Variants in PGCKA1 observed in about 807,000 individuals in gnomAD.
PGCKA1 encodes the protein PDCD10 and GCKIII kinases-associated protein 1.
At chr4:37,477,794 C>T in the PGCKA1 span, among the ~76,000 whole-genome samples, 4 of 152,074 alleles carry the variant, frequency 2.6e-5, no homozygotes, top group Admixed American at 2.0e-4. Context: ...CAACCCTGGT[C>T]TTTGTTTAAT....
At chr4:37,538,608 G>A in the PGCKA1 span, among the ~76,000 whole-genome samples, 2 of 152,212 alleles carry the variant, frequency 1.3e-5, no homozygotes, top group Non-Finnish European at 1.5e-5. Context: ...TGGAAAAGAA[G>A]GGTTTCTGCC....
chr4:37,562,316 TA>T, the PGCKA1 span, among the ~76,000 whole-genome samples: 6 of 152,204 alleles, frequency 3.9e-5, no homozygotes, highest in Non-Finnish European at 7.3e-5. Context: ...ACCAGGTACA[TA>T]AGAAGGAATA....
chr4:37,588,921 T>C, the PGCKA1 span: 1 of 1,596,006 alleles, frequency 6.3e-7, no homozygotes, highest in Non-Finnish European at 8.6e-7. Flanking sequence ...GAAATACTAC[T>C]TCTAAATGGA....
the PGCKA1 span, among the ~76,000 whole-genome samples, chr4:37,477,629 T>G: frequency 6.6e-6 from 1 of 152,172 alleles, no homozygotes; most frequent in Non-Finnish European, 1.5e-5. Flanking sequence ...CTTCTAAACT[T>G]AAAAGTTTTT....
chr4:37,516,621 C>A, the PGCKA1 span, among the ~76,000 whole-genome samples: 1 of 152,142 alleles, frequency 6.6e-6, no homozygotes, highest in African/African-American at 2.4e-5. Flanking sequence ...CTAAATCACA[C>A]CACGAGCTCA....
the PGCKA1 span, among the ~76,000 whole-genome samples, chr4:37,537,838 A>AT: frequency 1.3e-4 from 20 of 152,216 alleles, no homozygotes; most frequent in Non-Finnish European, 1.5e-5. Context: ...TATGCAAGTT[A>AT]TTTAGGCTTG....
the PGCKA1 span, among the ~76,000 whole-genome samples, chr4:37,544,644 G>T: frequency 0.012 from 1,750 of 149,178 alleles, 38 homozygotes; most frequent in African/African-American, 0.042. Context: ...TCAAGGAGCT[G>T]TTTTTTTTGT....
At chr4:37,472,966 A>G in the PGCKA1 span, among the ~76,000 whole-genome samples, 1 of 152,214 alleles carries the variant, frequency 6.6e-6, no homozygotes, top group Non-Finnish European at 1.5e-5. Context: ...GTCAACTGGC[A>G]AGGTAATCTG....
the PGCKA1 span, among the ~76,000 whole-genome samples, chr4:37,566,141 G>C: frequency 9.6e-3 from 1,466 of 152,064 alleles, 25 homozygotes; most frequent in African/African-American, 0.033. Context: ...TGTTAGTTCT[G>C]TCCCTCTGGA....
At chr4:37,591,165 C>T in the PGCKA1 span, 2 of 600,232 alleles carry the variant, frequency 3.3e-6, no homozygotes, top group African/African-American at 3.7e-5. Flanking sequence ...TCCCATGCTG[C>T]TTGTCACATA....
At chr4:37,478,147 C>G in the PGCKA1 span, among the ~76,000 whole-genome samples, 12 of 108,178 alleles carry the variant, frequency 1.1e-4, 2 homozygotes, top group Non-Finnish European at 2.6e-4. Flanking sequence ...AAAACACCCC[C>G]CCCCACCGCC....
chr4:37,570,094 C>CTCAG, the PGCKA1 span, among the ~76,000 whole-genome samples: 1 of 150,268 alleles, frequency 6.7e-6, no homozygotes, highest in Admixed American at 6.7e-5. Flanking sequence ...ATTCTCCTGC[C>CTCAG]TCAGCCTCCC....
chr4:37,525,885 T>G, the PGCKA1 span, among the ~76,000 whole-genome samples: 2 of 152,234 alleles, frequency 1.3e-5, no homozygotes, highest in Admixed American at 6.5e-5. Context: ...TTTCTGCCAT[T>G]CATTAATTCA....
the PGCKA1 span, among the ~76,000 whole-genome samples, chr4:37,465,015 G>A: frequency 6.6e-6 from 1 of 152,302 alleles, no homozygotes; most frequent in African/African-American, 2.4e-5. Flanking sequence ...TAAAGCTCAA[G>A]AACGTGACCT....
chr4:37,576,819 C>T, the PGCKA1 span, among the ~76,000 whole-genome samples: 23 of 151,760 alleles, frequency 1.5e-4, no homozygotes, highest in Non-Finnish European at 2.4e-4. Flanking sequence ...GCCTTTTCAG[C>T]ATCAGTTGAA....
the PGCKA1 span, among the ~76,000 whole-genome samples, chr4:37,540,774 T>C: frequency 6.6e-6 from 1 of 150,916 alleles, no homozygotes; most frequent in Non-Finnish European, 1.5e-5. Context: ...ATTCAGATAT[T>C]GGCCCCATGT....
the PGCKA1 span, among the ~76,000 whole-genome samples, chr4:37,500,479 G>A: frequency 6.6e-6 from 1 of 152,226 alleles, no homozygotes; most frequent in African/African-American, 2.4e-5. Flanking sequence ...TATGGTCTGA[G>A]AGAGTAGTTG....
the PGCKA1 span, among the ~76,000 whole-genome samples, chr4:37,545,717 T>C: frequency 2.0e-5 from 3 of 152,186 alleles, no homozygotes; most frequent in African/African-American, 7.2e-5. Context: ...ATCCCCCCAT[T>C]CATTGTTTCA....
the PGCKA1 span, chr4:37,460,449 C>T: frequency 9.1e-5 from 33 of 361,766 alleles, no homozygotes; most frequent in Non-Finnish European, 1.6e-4. Flanking sequence ...TTTACATTCC[C>T]ACCACCAGTG....
Sources: gnomAD v4.1 joint callset for allele counts (sites outside exome capture counted in the v4.1 genomes callset) on GRCh38, gnomAD v4.1.1 for gene constraint, MANE v1.5 for transcripts, NCBI Gene and HGNC (gene_info 2026-07-23, HGNC 2026-07-21) for gene names.